DMD: variants seen among roughly 807,000 people sequenced by gnomAD.
The protein encoded by DMD is dystrophin, also known as mutant dystrophin.
Under a neutral mutation model 330.1 loss-of-function variants are expected in DMD, and 63 were observed. That is an observed-to-expected ratio of 0.19 (90% CI 0.16 to 0.24). The LOEUF (loss-of-function observed/expected upper bound fraction) is 0.24, where lower values mean the gene tolerates loss of function less well. DMD is among the 10% of genes least tolerant of loss of function. The pLI, the probability that DMD is intolerant of heterozygous loss-of-function variation, is 1.00. For missense variants in DMD, 3,344 were observed against 2,684.1 expected (o/e 1.25, Z -5.43); for synonymous variants, 1,223 against 959.8 (o/e 1.27, Z -5.07).
In DMD at chrX:32,614,452, A is replaced by G. The variant is rs781105610; in HGVS notation, c.1333T>C (p.Leu445=). ...TGGAGATCCATTAAAACTCTATGTA[A>G]ACTGAAAATTTGAAAGAAGCCTATT... ...RVASMEKQSN[L]HRVLMDLQNQ... The change falls in exon 12 of 79, where the codon TTA becomes CTA. Residue 445 remains leucine, a splice_region_variant and synonymous_variant. Transcript: ENST00000357033. 11 of 1,203,803 alleles carry G rather than the reference A, an allele frequency of 9.1e-6. No individual in the cohort carries two copies. The South Asian group carries it at 1.9e-4, about 21-fold the overall frequency.
At position 31,456,836 on chromosome X, in the gene DMD, A is replaced by ATGTGTGTGTG. The variant is rs5901988; in HGVS notation, c.8938-12219_8938-12210dup. On this transcript the variant is annotated intron_variant, in intron 59 of 78. Transcript: ENST00000357033. ...TCCACTAGATACTGTGCCCACATAT[A>ATGTGTGTGTG]TGTGTGTGTGTGTGTGTGTGTGTGT... 2.4e-3 allele frequency among the ~76,000 whole-genome samples: 199 copies of ATGTGTGTGTG among 83,230 alleles called. 1 individual carries two copies. Among genetic ancestry groups the ATGTGTGTGTG allele is most frequent in the African/African-American group, 5.8e-3 (124 of 21,427 alleles). 72.3% of individuals were successfully genotyped at this position (83,230 alleles called of 115,157 possible).
chrX:32,241,810 G>A (rs921186646), intron 43 of DMD, among the ~76,000 whole-genome samples: 1 of 111,196 alleles, frequency 9.0e-6, no homozygotes, highest in African/African-American at 3.3e-5. Context: ...GAGCAGATGA[G>A]GATAACACTT....
At chrX:32,542,690 G>A (rs181384621) in intron 17 of DMD, among the ~76,000 whole-genome samples, 1 of 112,287 alleles carries the variant, frequency 8.9e-6, no homozygotes, top group Non-Finnish European at 1.9e-5. Context: ...GGTTATATTT[G>A]CATGATGCCT....
intron 11 of DMD, among the ~76,000 whole-genome samples, chrX:32,641,198 C>A (rs761407077): frequency 9.0e-6 from 1 of 110,673 alleles, no homozygotes; most frequent in African/African-American, 3.3e-5. Flanking sequence ...TATCACATTA[C>A]ATTTTAATCT....
intron 2 of DMD, among the ~76,000 whole-genome samples, chrX:32,898,253 TAG>T (rs1281539068): frequency 8.9e-6 from 1 of 111,784 alleles, no homozygotes; most frequent in African/African-American, 3.3e-5. Flanking sequence ...TGCTACACAG[TAG>T]AGAGTCACTT....
At chrX:33,052,130 C>T (rs1235680839) in intron 1 of DMD, among the ~76,000 whole-genome samples, 2 of 111,531 alleles carry the variant, frequency 1.8e-5, no homozygotes, top group East Asian at 2.8e-4. Context: ...TACAGCATTT[C>T]GAACACAAGA....
chrX:33,246,380 G>A (rs1474828109), intron 1 of DMD, among the ~76,000 whole-genome samples: 1 of 111,368 alleles, frequency 9.0e-6, no homozygotes, highest in Non-Finnish European at 1.9e-5. Flanking sequence ...TACAGTTCCA[G>A]TGATATCGTT....
chrX:32,137,258 C>T (rs2096731196), intron 44 of DMD, among the ~76,000 whole-genome samples: 1 of 111,140 alleles, frequency 9.0e-6, no homozygotes, highest in African/African-American at 3.3e-5. Flanking sequence ...GTTGGTGCCT[C>T]CTTTACAAAA....
At chrX:33,010,795 C>G (rs182237819) in intron 2 of DMD, among the ~76,000 whole-genome samples, 29 of 110,752 alleles carry the variant, frequency 2.6e-4, no homozygotes, top group African/African-American at 8.2e-4. Flanking sequence ...TTTCCTCCAA[C>G]ATTCTCTACT....
At chrX:32,577,722 T>A (rs1441197235) in intron 13 of DMD, among the ~76,000 whole-genome samples, 1 of 112,206 alleles carries the variant, frequency 8.9e-6, no homozygotes, top group African/African-American at 3.2e-5. Flanking sequence ...TGAACACATA[T>A]CCTTTAGTAA....
At chrX:32,032,747 G>A (rs1411368125) in intron 44 of DMD, among the ~76,000 whole-genome samples, 2 of 112,136 alleles carry the variant, frequency 1.8e-5, no homozygotes, top group African/African-American at 3.2e-5. Flanking sequence ...TAGAAGCCCC[G>A]CTCCCATGAT....
At chrX:32,865,322 A>AT (rs200271694) in intron 2 of DMD, among the ~76,000 whole-genome samples, 10 of 111,520 alleles carry the variant, frequency 9.0e-5, no homozygotes, top group African/African-American at 1.3e-4. Flanking sequence ...ATTAATAGTG[A>AT]TTTTTTTGTC....
chrX:31,525,764 G>C (rs1440158570), intron 55 of DMD, among the ~76,000 whole-genome samples: 2 of 112,459 alleles, frequency 1.8e-5, no homozygotes, highest in Non-Finnish European at 3.7e-5. Context: ...TTTACTCGTT[G>C]ACGGTGAAAT....
chrX:32,499,863 C>A (rs2043866272), intron 19 of DMD, among the ~76,000 whole-genome samples: 1 of 111,081 alleles, frequency 9.0e-6, no homozygotes, highest in Non-Finnish European at 1.9e-5. Context: ...TGCACAATCA[C>A]AGAAAATAAA....
At chrX:32,143,381 T>C (rs1452551323) in intron 44 of DMD, among the ~76,000 whole-genome samples, 5 of 111,084 alleles carry the variant, frequency 4.5e-5, no homozygotes, top group Non-Finnish European at 9.4e-5. Flanking sequence ...TCCAGCACAG[T>C]TCACCCTCAT....
intron 57 of DMD, among the ~76,000 whole-genome samples, chrX:31,487,861 A>AAAGT (rs1298413218): frequency 8.9e-6 from 1 of 112,260 alleles, no homozygotes; most frequent in African/African-American, 3.2e-5. Flanking sequence ...GTAAAATTGA[A>AAAGT]AAGTAAATGA....
At chrX:31,817,913 A>C in intron 50 of DMD, among the ~76,000 whole-genome samples, 1 of 111,836 alleles carries the variant, frequency 8.9e-6, no homozygotes, top group Non-Finnish European at 1.9e-5. Context: ...CCAGAAATAC[A>C]CCAGGCTCAC....
At chrX:31,626,204 C>CG (rs35188963) in intron 55 of DMD, among the ~76,000 whole-genome samples, 36,016 of 109,263 alleles carry the variant, frequency 0.33, 4,625 homozygotes, top group East Asian at 0.42. Context: ...AGGCTGGTCT[C>CG]GAACTCCTGA....
intron 63 of DMD, among the ~76,000 whole-genome samples, chrX:31,229,129 T>C (rs1410705259): frequency 1.8e-5 from 2 of 112,311 alleles, no homozygotes; most frequent in East Asian, 5.6e-4. Flanking sequence ...TAGTAGCAGG[T>C]GTCAAAATTC....
Sources: gnomAD v4.1 joint callset for allele counts (sites outside exome capture counted in the v4.1 genomes callset) on GRCh38, gnomAD v4.1.1 for gene constraint, MANE v1.5 for transcripts, NCBI Gene and HGNC (gene_info 2026-07-23, HGNC 2026-07-21) for gene names.